ASTN2: variants seen among roughly 807,000 people sequenced by gnomAD.
ASTN2 encodes the protein astrotactin-2.
In ASTN2, 54 loss-of-function variants were observed where a neutral mutation model predicts 139.8. That is an observed-to-expected ratio of 0.39 (90% CI 0.31 to 0.48). The LOEUF (loss-of-function observed/expected upper bound fraction) is 0.48, where lower values mean the gene tolerates loss of function less well. Ranked by LOEUF, ASTN2 falls within the 20% of genes least tolerant of loss-of-function variation. The probability of loss-of-function intolerance (pLI) is 0.95; values close to 1 mark genes in which losing one functional copy is unlikely to be tolerated. For synonymous variants in ASTN2, 756 were observed against 719.5 expected (o/e 1.05, Z -0.81); for missense variants, 1,565 against 1,725.1 (o/e 0.91, Z 1.64).
chr9:117,181,067 C>G (rs932260384), intron 3 of ASTN2: 2 of 1,384,720 alleles, frequency 1.4e-6, no homozygotes, highest in African/African-American at 2.8e-5. Context: ...ATCTGAAAGG[C>G]CTGTTTCCAT....
intron 13 of ASTN2, among the ~76,000 whole-genome samples, chr9:116,750,398 C>T (rs1829364993): frequency 6.6e-6 from 1 of 152,154 alleles, no homozygotes; most frequent in African/African-American, 2.4e-5. Flanking sequence ...GGTCGCATTT[C>T]TGAAAGTTTC....
chr9:117,214,457 T>A lies in ASTN2; in HGVS notation c.916A>T (p.Asn306Tyr). The A allele has an allele frequency of 6.2e-7, 1 of 1,614,170 alleles. No homozygotes were observed. Among genetic ancestry groups the A allele is most frequent in the Non-Finnish European group, 8.5e-7 (1 of 1,180,032 alleles). ...EEDEEPPRRA[N>Y]HVSREDEFGS... is the part of the protein sequence containing the mutation. ...AACTCGTCCTCGCGGGAGACATGGTTGGCCCGCCTAGGTGGCTCCTCATCC... is the reference window on the plus strand; with the variant it reads ...AACTCGTCCTCGCGGGAGACATGGTAGGCCCGCCTAGGTGGCTCCTCATCC... The change falls in exon 3 of 23, where the codon AAC (asparagine) becomes TAC (tyrosine). Residue 306 changes from asparagine to tyrosine, a missense_variant. Physicochemically the swap from Asn to Tyr is moderately radical, Grantham distance 143. Transcript: ENST00000313400.
chr9:116,597,877 G>A (rs890300454), intron 19 of ASTN2, among the ~76,000 whole-genome samples: 1 of 152,148 alleles, frequency 6.6e-6, no homozygotes, highest in Non-Finnish European at 1.5e-5. Context: ...CTCCTACATC[G>A]TTGATGTCAG....
chr9:116,997,848 A>T (rs10983450), intron 7 of ASTN2, among the ~76,000 whole-genome samples: 2 of 152,030 alleles, frequency 1.3e-5, no homozygotes, highest in African/African-American at 2.4e-5. Flanking sequence ...TGTCACTTCA[A>T]TGTTCATGTA....
chr9:116,881,487 C>CCTT (rs1411904314), intron 10 of ASTN2, among the ~76,000 whole-genome samples: 1 of 152,206 alleles, frequency 6.6e-6, no homozygotes, highest in Non-Finnish European at 1.5e-5. Context: ...ACTTCAGCTT[C>CCTT]CTTATTTGTC....
At position 116,884,803 on chromosome 9, in the gene ASTN2, G is replaced by GCCC. The variant is rs759933298; in HGVS notation, c.1890-21073_1890-21071dup. On this transcript the variant is annotated intron_variant, in intron 10 of 22. Transcript: ENST00000313400. ...TGTGCATGTCAATCTCCAAATATCC[G>GCCC]CCCCCCCCCCACCCACTTTTTTTTT... Among the ~76,000 whole-genome samples the GCCC allele has an allele frequency of 6.4e-3, 443 of 69,466 alleles. 9 individuals are homozygous for GCCC. The highest frequency in any genetic ancestry group is 0.016 in the East Asian group (35 of 2,144). The allele number at this position is 69,466 out of a possible 152,430, so 45.6% of individuals were successfully genotyped here.
chr9:117,242,528 G>T, intron 2 of ASTN2, among the ~76,000 whole-genome samples: 1 of 152,270 alleles, frequency 6.6e-6, no homozygotes, highest in East Asian at 1.9e-4. Flanking sequence ...AAGCATAATA[G>T]TATAACTATC....
chr9:116,956,086 T>C (rs1835697317), intron 10 of ASTN2, among the ~76,000 whole-genome samples: 1 of 114,962 alleles, frequency 8.7e-6, no homozygotes, highest in Non-Finnish European at 1.9e-5. Flanking sequence ...CTTTTTTCTT[T>C]TTCTTTTCTT....
chr9:117,206,132 G>C (rs2133002463), intron 3 of ASTN2, among the ~76,000 whole-genome samples: 1 of 152,304 alleles, frequency 6.6e-6, no homozygotes, highest in Admixed American at 6.5e-5. Context: ...TAAACAGCTA[G>C]GATTTGACCT....
intron 19 of ASTN2, among the ~76,000 whole-genome samples, chr9:116,545,074 C>T (rs990948222): frequency 4.6e-5 from 7 of 152,174 alleles, no homozygotes; most frequent in African/African-American, 7.2e-5. Flanking sequence ...AGCCAGCTTC[C>T]CAGAGATGTT....
chr9:116,713,917 C>T (rs1426881722), intron 16 of ASTN2, among the ~76,000 whole-genome samples: 2 of 152,142 alleles, frequency 1.3e-5, no homozygotes, highest in African/African-American at 4.8e-5. Context: ...AGGATGGAAT[C>T]CTGGCTCTAC....
chr9:116,678,388 T>G (rs1859634262), intron 16 of ASTN2, among the ~76,000 whole-genome samples: 2 of 152,196 alleles, frequency 1.3e-5, no homozygotes, highest in African/African-American at 2.4e-5. Context: ...GGTTTTTCAC[T>G]AAAAATAAAA....
chr9:116,437,272 C>T (rs879231708), intron 22 of ASTN2: 58 of 470,196 alleles, frequency 1.2e-4, no homozygotes, highest in South Asian at 8.1e-4. Context: ...GGCCAGAAAG[C>T]GGCAGAGCCC....
intron 11 of ASTN2, among the ~76,000 whole-genome samples, chr9:116,853,976 C>T (rs896834744): frequency 6.6e-6 from 1 of 152,166 alleles, no homozygotes; most frequent in African/African-American, 2.4e-5. Context: ...TGTTCCCCTT[C>T]ATGAAATATT....
chr9:116,806,784 T>C (rs1435018671), intron 12 of ASTN2, among the ~76,000 whole-genome samples: 2 of 152,122 alleles, frequency 1.3e-5, no homozygotes, highest in Admixed American at 6.6e-5. Flanking sequence ...ACATGATACA[T>C]TGGCCACAAA....
intron 19 of ASTN2, among the ~76,000 whole-genome samples, chr9:116,498,793 C>T (rs1408701491): frequency 1.3e-5 from 2 of 152,178 alleles, no homozygotes; most frequent in African/African-American, 4.8e-5. Context: ...CAATGTTCAG[C>T]TCCAAGGACA....
intron 13 of ASTN2, among the ~76,000 whole-genome samples, chr9:116,750,064 T>G (rs1829355716): frequency 6.6e-6 from 1 of 152,186 alleles, no homozygotes; most frequent in South Asian, 2.1e-4. Context: ...GTGTTTTCTC[T>G]CTCCTTCTGC....
At chr9:116,656,371 A>G (rs751438323) in intron 16 of ASTN2, among the ~76,000 whole-genome samples, 1 of 152,216 alleles carries the variant, frequency 6.6e-6, no homozygotes, top group African/African-American at 2.4e-5. Context: ...CAACAGATGA[A>G]TAGCTGAGCA....
At chr9:117,303,561 G>A (rs946128934) in intron 1 of ASTN2, among the ~76,000 whole-genome samples, 14 of 152,148 alleles carry the variant, frequency 9.2e-5, no homozygotes, top group Non-Finnish European at 1.3e-4. Context: ...GGACAACTGA[G>A]CTCTCCTGTG....
Sources: gnomAD v4.1 joint callset for allele counts (sites outside exome capture counted in the v4.1 genomes callset) on GRCh38, gnomAD v4.1.1 for gene constraint, MANE v1.5 for transcripts, NCBI Gene and HGNC (gene_info 2026-07-23, HGNC 2026-07-21) for gene names.